The following PRDM11 variants were observed in gnomAD, a reference collection of about 807,000 sequenced individuals.
PRDM11 encodes PR/SET domain 11.
In PRDM11, 20 loss-of-function variants were observed where a neutral mutation model predicts 97.8. That is an observed-to-expected ratio of 0.20 (90% confidence interval 0.14 to 0.30). PRDM11 has a LOEUF of 0.30. Ranked by LOEUF, PRDM11 falls within the 10% of genes least tolerant of loss-of-function variation. PRDM11 has a pLI of 1.00. For synonymous variants in PRDM11, 599 were observed against 637.7 expected (o/e 0.94, Z 0.91); for missense variants, 1,139 against 1,555.2 (o/e 0.73, Z 4.50).
rs1401911153 is a variant in PRDM11 at position 45,155,219 on chromosome 11, TCA to T, written c.-7+8344_-7+8345del. ...CCGGAGTGGCTTCTCCCACTATCTC[TCA>T]CTTTCCCCAAGGGAAAGGGGTGAGG... On this transcript the variant is annotated intron_variant, in intron 1 of 7. Coordinates refer to ENST00000683152, the MANE Select transcript of PRDM11 (RefSeq NM_001384648.1). Among the ~76,000 whole-genome samples, 4 of 152,156 alleles carry T rather than the reference TCA, an allele frequency of 2.6e-5. No homozygotes were observed. The East Asian group carries it at 5.8e-4, about 22-fold the overall frequency.
chr11:45,208,709 C>T (rs910773778), intron 5 of PRDM11, among the ~76,000 whole-genome samples: 1 of 152,124 alleles, frequency 6.6e-6, no homozygotes, highest in Non-Finnish European at 1.5e-5. Context: ...CCCTCCCCTC[C>T]GAGGAGTAGT....
chr11:45,145,593 C>T (rs1264866268), upstream of PRDM11, among the ~76,000 whole-genome samples: 1 of 152,208 alleles, frequency 6.6e-6, no homozygotes, highest in Admixed American at 6.5e-5. Context: ...CGCCCAGGTG[C>T]CTTCCTGGGA....
intron 1 of PRDM11, among the ~76,000 whole-genome samples, chr11:45,137,704 C>A (rs974606364): frequency 1.3e-5 from 2 of 152,214 alleles, no homozygotes; most frequent in African/African-American, 4.8e-5. Flanking sequence ...GATGGTGCAA[C>A]TGAACTCCAA....
intron 4 of PRDM11, among the ~76,000 whole-genome samples, chr11:45,194,499 C>T (rs1853030334): frequency 6.8e-6 from 1 of 146,672 alleles, no homozygotes; most frequent in African/African-American, 2.5e-5. Context: ...ACAATAACAA[C>T]AATAATAGTA....
In PRDM11 at chr11:45,101,573, G is replaced by A. The variant is rs1192235442; in HGVS notation, c.96+5672G>A. 8.5e-3 allele frequency among the ~76,000 whole-genome samples: 798 copies of A among 93,872 alleles called. 3 individuals are homozygous for A. The highest frequency in any genetic ancestry group is 0.014 in the Middle Eastern group (2 of 144). The allele number at this position is 93,872 out of a possible 152,430, so 61.6% of individuals were successfully genotyped here. A position where few individuals can be genotyped will look rare whatever the true frequency, so the allele number is the denominator to read the frequency against. On this transcript the variant is annotated intron_variant, in intron 1 of 6. Transcript: ENST00000530656. ...TCTGTCTCAAAAAAAAAAAAAAGAA[G>A]AAGAAGAAGAAGAAGAAGAAGAAGA...
intron 1 of PRDM11, among the ~76,000 whole-genome samples, chr11:45,177,162 A>T (rs1852346210): frequency 1.3e-5 from 2 of 152,232 alleles, no homozygotes; most frequent in South Asian, 4.1e-4. Flanking sequence ...GCTCCTGGGC[A>T]TTCCAGGATC....
rs1056071122 is a variant in PRDM11 at position 45,227,571 on chromosome 11, T to C, written c.2946T>C (p.Phe982=). ...AQRFDSRSRI[F]VKACQVFDLA... is the part of the protein sequence containing the mutation. The stretch of plus-strand genomic sequence containing the variant: ...GGTTCGACTCCCGCAGCCGGATCTT[T>C]GTGAAGGCCTGCCAGGTGTTTGACC... Residue 982 remains phenylalanine, a synonymous_variant, in exon 8 of 8, where the codon TTT becomes TTC. Coordinates refer to ENST00000683152, the MANE Select transcript of PRDM11 (RefSeq NM_001384648.1). This position sits in a 1 kb window ranked among gnomAD's most constrained non-coding sequence, Gnocchi z 8.0. The C allele has an allele frequency of 2.0e-6, 3 of 1,533,902 alleles. No homozygotes were observed. The South Asian group carries it at 3.6e-5, about 18-fold the overall frequency.
rs775074731 is a variant in PRDM11 at position 45,182,266 on chromosome 11, C to T, written c.140C>T (p.Ser47Leu). The change falls in exon 3 of 8, where the codon TCG becomes TTG. Residue 47 changes from serine to leucine, a missense_variant. Physicochemically the swap from Ser to Leu is moderately radical, Grantham distance 145. Coordinates refer to ENST00000683152, the MANE Select transcript of PRDM11 (RefSeq NM_001384648.1). ...GQPCSRRPDS[S>L]AMEVEPKKLK... ...GCCAGCTCTAGGAGACCGGACTCCT[C>T]GGCCATGGAAGTTGAGCCCAAGAAA... The T allele has an allele frequency of 2.3e-5, 37 of 1,613,850 alleles. No homozygotes were observed. In the Middle Eastern group the frequency reaches 8.2e-4, roughly 36 times the overall value.
intron 1 of PRDM11, among the ~76,000 whole-genome samples, chr11:45,103,529 T>C (rs1221928999): frequency 6.6e-6 from 1 of 152,060 alleles, no homozygotes; most frequent in Non-Finnish European, 1.5e-5. Context: ...AGTTTCCCCA[T>C]CTGTAAAACC....
At chr11:45,149,385 C>T (rs1851605538) in intron 1 of PRDM11, among the ~76,000 whole-genome samples, 1 of 152,216 alleles carries the variant, frequency 6.6e-6, no homozygotes. Context: ...AACTCCATAC[C>T]CCGATCTCTC....
At chr11:45,144,003 G>C (rs75480558), upstream of PRDM11, among the ~76,000 whole-genome samples, 1,863 of 152,244 alleles carry the variant, frequency 0.012, 15 homozygotes, top group Non-Finnish European at 0.018. Context: ...ATCACACTCA[G>C]GGTCTGGGAC....
chr11:45,223,264 C>T (rs1854168799), intron 6 of PRDM11, among the ~76,000 whole-genome samples: 1 of 152,154 alleles, frequency 6.6e-6, no homozygotes. Flanking sequence ...GTGAGCACCA[C>T]TGCACTTCAG....
intron 4 of PRDM11, among the ~76,000 whole-genome samples, chr11:45,191,766 A>G (rs942886578): frequency 5.3e-5 from 8 of 151,988 alleles, no homozygotes; most frequent in African/African-American, 1.7e-4. Context: ...TAGGTGTGCA[A>G]TTGCTACTGG....
At chr11:45,145,422 T>A (rs575081566), upstream of PRDM11, among the ~76,000 whole-genome samples, 5 of 152,168 alleles carry the variant, frequency 3.3e-5, no homozygotes, top group Non-Finnish European at 7.3e-5. Flanking sequence ...TGAACGCCCA[T>A]CTGACCATGA....
chr11:45,150,458 A>G (rs757437417), intron 1 of PRDM11, among the ~76,000 whole-genome samples: 8 of 152,212 alleles, frequency 5.3e-5, no homozygotes, highest in Middle Eastern at 3.4e-3. Flanking sequence ...TTGAATCCTT[A>G]AGCATAGATA....
chr11:45,195,476 A>G (rs963421713), intron 4 of PRDM11, among the ~76,000 whole-genome samples: 2 of 151,946 alleles, frequency 1.3e-5, no homozygotes, highest in African/African-American at 4.8e-5. Context: ...ATTATGTAGT[A>G]TGTGGTCTTT....
At chr11:45,100,341 G>C (rs12363092) in intron 1 of PRDM11, among the ~76,000 whole-genome samples, 1 of 152,024 alleles carries the variant, frequency 6.6e-6, no homozygotes, top group African/African-American at 2.4e-5. Context: ...ACTCACCCCA[G>C]GAGAAAAAAA....
At chr11:45,140,878 C>T (rs1851387619) in intron 1 of PRDM11, among the ~76,000 whole-genome samples, 1 of 152,166 alleles carries the variant, frequency 6.6e-6, no homozygotes, top group South Asian at 2.1e-4. Context: ...ATCCAACATT[C>T]CCAGCCCTAT....
At chr11:45,127,607 AC>A (rs1344462828) in intron 1 of PRDM11, among the ~76,000 whole-genome samples, 1 of 152,164 alleles carries the variant, frequency 6.6e-6, no homozygotes, top group Non-Finnish European at 1.5e-5. Context: ...TCTACTCCAG[AC>A]CCTGTTTGCC....
Sources: allele counts gnomAD v4.1 joint callset (sites outside exome capture counted in the v4.1 genomes callset), GRCh38; gene constraint gnomAD v4.1.1; non-coding constraint Gnocchi (gnomAD v3.1); transcripts MANE v1.5; gene names NCBI Gene and HGNC (gene_info 2026-07-23, HGNC 2026-07-21).